Variants in ATP13A3 observed in about 807,000 individuals in gnomAD.
ATP13A3 encodes ATPase 13A3.
In ATP13A3, 59 loss-of-function variants were observed where a neutral mutation model predicts 158.1. That is an observed-to-expected ratio of 0.37 (90% CI 0.30 to 0.46). The LOEUF is 0.46. ATP13A3 is among the 20% of genes least tolerant of loss of function. The pLI is 1.00. For missense variants in ATP13A3, 1,166 were observed against 1,525.2 expected, an observed-to-expected ratio of 0.76 and a Z score of 3.92; for synonymous variants, 491 against 504.3, an observed-to-expected ratio of 0.97 and a Z score of 0.35.
At position 194,433,844 on chromosome 3, in the gene ATP13A3, T is replaced by G; in HGVS notation, c.2173A>C (p.Lys725Gln). 1 of 1,614,050 alleles carries G rather than the reference T, an allele frequency of 6.2e-7. No individual in the cohort carries two copies. The highest frequency in any genetic ancestry group is 8.5e-7 in the Non-Finnish European group (1 of 1,179,904). Residue 725 changes from lysine (K) to glutamine (Q), a missense_variant, in exon 21 of 34, where the codon AAA (lysine) becomes CAA (glutamine). Around this residue, in one of 3 missense-constraint regions of ATP13A3, gnomAD observed 997 missense variants for 1,341.2 expected, o/e 0.74. Coordinates refer to ENST00000645319, the MANE Select transcript of ATP13A3 (RefSeq NM_001367549.1). The stretch of plus-strand genomic sequence containing the variant: ...ACTGCAGGGGTTTCTTGCTTTAATT[T>G]GTTCTGCATTATAATTAATCCCATA... ...DFMGLIIMQNKLKQETPAVLE... is the reference protein window; with the variant it reads ...DFMGLIIMQNQLKQETPAVLE...
chr3:194,460,884 G>T, intron 3 of ATP13A3, 53 bp from the exon 4 acceptor site: 2 of 1,534,782 alleles, frequency 1.3e-6, no homozygotes, highest in African/African-American at 1.4e-5. Flanking sequence ...AAATGATATG[G>T]CAGAGAAACA....
intron 33 of ATP13A3, among the ~76,000 whole-genome samples, chr3:194,411,379 A>G (rs1055689576): frequency 1.3e-5 from 2 of 152,168 alleles, no homozygotes; most frequent in Non-Finnish European, 2.9e-5. Context: ...CTAAAGAAAA[A>G]TGGGTAAGGC....
chr3:194,468,928 G>GT (rs1318006112), intron 2 of ATP13A3, among the ~76,000 whole-genome samples: 4 of 152,320 alleles, frequency 2.6e-5, no homozygotes, highest in African/African-American at 9.6e-5. Flanking sequence ...GAGGTCAGGA[G>GT]TTTGAGACCA....
Position 194,429,790 on chromosome 3 carries a change from A to C in ATP13A3, c.2778-16T>G. ...ACGGCCTTCCCTGTGAAAAGAAATC[A>C]AATGTCGGCATATGAATAGAAGCAT... On this transcript the variant is annotated splice_polypyrimidine_tract_variant and intron_variant, in intron 26 of 33. Transcript: ENST00000645319. 7 of 1,603,352 alleles carry C rather than the reference A, an allele frequency of 4.4e-6. No homozygotes were observed. Among genetic ancestry groups the C allele is most frequent in the Non-Finnish European group, 6.0e-6 (7 of 1,171,774 alleles).
intron 2 of ATP13A3, among the ~76,000 whole-genome samples, chr3:194,482,739 G>T (rs115997118): frequency 0.028 from 4,323 of 152,210 alleles, 217 homozygotes; most frequent in African/African-American, 0.1. Context: ...TTGGGAGGCT[G>T]AGGCAGGAGG....
chr3:194,422,161 CTAAG>C (rs1463950983), intron 30 of ATP13A3, among the ~76,000 whole-genome samples: 1 of 151,238 alleles, frequency 6.6e-6, no homozygotes, highest in Non-Finnish European at 1.5e-5. Context: ...AAAAAAGACA[CTAAG>C]TGACAGGGGA....
chr3:194,460,503 A>C (rs1719573895), intron 4 of ATP13A3, among the ~76,000 whole-genome samples, 155 bp downstream of exon 4: 1 of 152,186 alleles, frequency 6.6e-6, no homozygotes, highest in South Asian at 2.1e-4. Flanking sequence ...AATAATAGTC[A>C]ATTCAAACAC....
At chr3:194,461,216 T>C (rs972394950) in intron 3 of ATP13A3, among the ~76,000 whole-genome samples, 4 of 152,194 alleles carry the variant, frequency 2.6e-5, no homozygotes, top group Admixed American at 2.6e-4. Flanking sequence ...ACATTTTATT[T>C]TGAAATAAAT....
chr3:194,456,821 A>C (rs1301106058), intron 7 of ATP13A3, among the ~76,000 whole-genome samples: 2 of 152,148 alleles, frequency 1.3e-5, no homozygotes, highest in East Asian at 1.9e-4. Context: ...CCAATCTCAG[A>C]GATGTTAAAA....
In ATP13A3 at chr3:194,494,165, A is replaced by T. The variant is rs1173679315; in HGVS notation, n.631T>A. The T allele has an allele frequency of 7.5e-6, 3 of 398,436 alleles. No homozygotes were observed. Among genetic ancestry groups the T allele is most frequent in the Non-Finnish European group, 8.8e-6 (2 of 226,042 alleles). The allele number at this position is 398,436 out of a possible 1,614,324, so 24.7% of individuals were successfully genotyped here. A position where few individuals can be genotyped will look rare whatever the true frequency, so the allele number is the denominator to read the frequency against. On this transcript the variant is annotated non_coding_transcript_exon_variant, in exon 2 of 33. Coordinates refer to the ATP13A3 transcript ENST00000687055. This position sits in a 1 kb window ranked among gnomAD's most constrained non-coding sequence, Gnocchi z 4.2. ...CAGAATGAGTTCATCTCGCATCAAA[A>T]CTCTGGATTATCTGTTTAAGCACCC...
At chr3:194,422,043 C>T (rs1716428365) in intron 30 of ATP13A3, among the ~76,000 whole-genome samples, 2 of 151,726 alleles carry the variant, frequency 1.3e-5, no homozygotes, top group Non-Finnish European at 2.9e-5. Context: ...CCAGAGCCAC[C>T]TCTTGGATCC....
Position 194,406,082 on chromosome 3 carries a change from G to A in ATP13A3, c.3608C>T (p.Pro1203Leu). 6.2e-7 allele frequency: 1 copy of A among 1,613,908 alleles called. No homozygotes were observed. The highest frequency in any genetic ancestry group is 8.5e-7 in the Non-Finnish European group (1 of 1,180,000). The change falls in exon 34 of 34, where the codon CCC becomes CTC. Residue 1203 changes from proline to leucine, a missense_variant. Around this residue, in one of 3 missense-constraint regions of ATP13A3, gnomAD observed 997 missense variants for 1,341.2 expected, o/e 0.74. Transcript: ENST00000645319. ...CTTCTTTCTACAGCCCAGGGCCCAG[G>A]GTAAGCAGCATTTTCCCCACCGATC... ...SVDRWGKCCL[P>L]WALGCRKKTP... is the part of the protein sequence containing the mutation.
At chr3:194,457,214 A>T (rs751076941) in intron 6 of ATP13A3, 40 bp from the exon 7 acceptor site, 1 of 1,502,566 alleles carries the variant, frequency 6.7e-7, no homozygotes, top group African/African-American at 1.4e-5. Flanking sequence ...CAAAGTTTAA[A>T]ATATCCAAAT....
intron 28 of ATP13A3, among the ~76,000 whole-genome samples, chr3:194,428,104 C>G (rs1022297169): frequency 1.3e-5 from 2 of 151,720 alleles, no homozygotes; most frequent in African/African-American, 2.4e-5. Context: ...ACCTGTAATC[C>G]CAGCTACTCA....
chr3:194,403,882 T>G lies in ATP13A3; in HGVS notation c.*2037A>C. 1 of 297,370 alleles carries G rather than the reference T, an allele frequency of 3.4e-6. No homozygotes were observed. Among genetic ancestry groups the G allele is most frequent in the Non-Finnish European group, 6.4e-6 (1 of 155,442 alleles). The allele number at this position is 297,370 out of a possible 1,614,324, so 18.4% of individuals were successfully genotyped here. On this transcript the variant is annotated 3_prime_UTR_variant, in exon 34 of 34. Transcript: ENST00000645319. ...TTGAAAACAATATGGACAGAAGAGA[T>G]ATAAAACCCTTACTAACTCTAAATG... is the stretch of plus-strand genomic sequence containing the variant.
chr3:194,426,188 C>CTT (rs377702236), intron 29 of ATP13A3, among the ~76,000 whole-genome samples: 1 of 148,318 alleles, frequency 6.7e-6, no homozygotes, highest in East Asian at 1.9e-4. Flanking sequence ...AATTCCACCT[C>CTT]TTTTTTTTTT....
At chr3:194,467,600 T>C (rs530714114) in intron 2 of ATP13A3, among the ~76,000 whole-genome samples, 129 of 152,256 alleles carry the variant, frequency 8.5e-4, no homozygotes, top group African/African-American at 3.1e-3. Context: ...TCAAAGGAAA[T>C]TACCCAAGAA....
At chr3:194,468,469 T>G (rs1318142479) in intron 2 of ATP13A3, among the ~76,000 whole-genome samples, 1 of 151,780 alleles carries the variant, frequency 6.6e-6, no homozygotes, top group Non-Finnish European at 1.5e-5. Flanking sequence ...TGCCAATTTT[T>G]GAAAGTTTAC....
chr3:194,406,307 G>A (rs1277829977), intron 33 of ATP13A3, among the ~76,000 whole-genome samples, 191 bp from the exon 34 acceptor site: 2 of 152,086 alleles, frequency 1.3e-5, no homozygotes, highest in Non-Finnish European at 2.9e-5. Context: ...GCTCATGTCC[G>A]AAATCCCAGC....
Sources: allele counts gnomAD v4.1 joint callset (sites outside exome capture counted in the v4.1 genomes callset), GRCh38; gene constraint gnomAD v4.1.1; regional missense constraint gnomAD v4.1.1; non-coding constraint Gnocchi (gnomAD v3.1); transcripts MANE v1.5; gene names NCBI Gene and HGNC (gene_info 2026-07-23, HGNC 2026-07-21).